The following AFG2A variants were observed in gnomAD, a reference collection of about 807,000 sequenced individuals.
AFG2A encodes the protein AAA ATPase AFG2A, also known as ATPase family gene 2 protein homolog A.
chr4:123,067,776 A>C, the AFG2A span, among the ~76,000 whole-genome samples: 1 of 152,188 alleles, frequency 6.6e-6, no homozygotes, highest in Admixed American at 6.5e-5. Flanking sequence ...AGTTTCTTAA[A>C]GATAGGGGTA....
At chr4:123,224,752 T>C in the AFG2A span, among the ~76,000 whole-genome samples, 1 of 152,152 alleles carries the variant, frequency 6.6e-6, no homozygotes, top group Admixed American at 6.5e-5. Flanking sequence ...GGTCAAATGG[T>C]ATTTCTAGTT....
At chr4:123,179,310 C>CTTAG in the AFG2A span, among the ~76,000 whole-genome samples, 1 of 116,790 alleles carries the variant, frequency 8.6e-6, no homozygotes, top group Admixed American at 7.6e-5. Context: ...ACACATACTA[C>CTTAG]TTACTTACTT....
chr4:123,149,637 T>C, the AFG2A span, among the ~76,000 whole-genome samples: 1 of 152,170 alleles, frequency 6.6e-6, no homozygotes, highest in Admixed American at 6.5e-5. Context: ...AAAAAATGCT[T>C]ACCCAATCCC....
the AFG2A span, among the ~76,000 whole-genome samples, chr4:122,925,801 G>C: frequency 6.6e-6 from 1 of 152,146 alleles, no homozygotes; most frequent in African/African-American, 2.4e-5. Context: ...ATCCTACAAG[G>C]CTATAAACTC....
chr4:123,213,274 G>C, the AFG2A span, among the ~76,000 whole-genome samples: 1 of 152,040 alleles, frequency 6.6e-6, no homozygotes, highest in Non-Finnish European at 1.5e-5. Flanking sequence ...TATATATCCT[G>C]TATAGAATAA....
the AFG2A span, among the ~76,000 whole-genome samples, chr4:123,236,891 T>C: frequency 6.6e-6 from 1 of 152,166 alleles, no homozygotes; most frequent in Non-Finnish European, 1.5e-5. Flanking sequence ...CACATTGAGG[T>C]TTGAGAAACC....
At chr4:123,045,351 C>A in the AFG2A span, among the ~76,000 whole-genome samples, 1 of 152,114 alleles carries the variant, frequency 6.6e-6, no homozygotes, top group African/African-American at 2.4e-5. Flanking sequence ...CACAGTGTAA[C>A]CATAAAATTA....
At chr4:123,294,102 G>A in the AFG2A span, among the ~76,000 whole-genome samples, 1 of 152,248 alleles carries the variant, frequency 6.6e-6, no homozygotes, top group South Asian at 2.1e-4. Flanking sequence ...AGGTCTGCAG[G>A]ATGTGCAGTG....
the AFG2A span, among the ~76,000 whole-genome samples, chr4:123,018,168 A>G: frequency 6.6e-6 from 1 of 152,208 alleles, no homozygotes; most frequent in Non-Finnish European, 1.5e-5. Context: ...TGTCAGGGAC[A>G]TGTTCCTTGG....
At chr4:123,238,151 A>T in the AFG2A span, among the ~76,000 whole-genome samples, 1 of 152,192 alleles carries the variant, frequency 6.6e-6, no homozygotes, top group African/African-American at 2.4e-5. Flanking sequence ...CTGAAGCTTA[A>T]GTAGGTAAAC....
At chr4:123,071,749 T>G in the AFG2A span, among the ~76,000 whole-genome samples, 1 of 152,224 alleles carries the variant, frequency 6.6e-6, no homozygotes, top group Non-Finnish European at 1.5e-5. Context: ...GATATCTTAT[T>G]AATCTAAAAT....
At chr4:122,967,996 CT>C in the AFG2A span, among the ~76,000 whole-genome samples, 1 of 151,824 alleles carries the variant, frequency 6.6e-6, no homozygotes, top group Non-Finnish European at 1.5e-5. Context: ...AATTAATAGA[CT>C]TTTTTTAGAG....
At chr4:123,180,970 C>G in the AFG2A span, among the ~76,000 whole-genome samples, 1 of 145,884 alleles carries the variant, frequency 6.9e-6, no homozygotes, top group East Asian at 2.0e-4. Context: ...TCTCTTCCTC[C>G]TCCCCCTCTT....
chr4:122,950,959 C>G, the AFG2A span, among the ~76,000 whole-genome samples: 3 of 152,148 alleles, frequency 2.0e-5, no homozygotes, highest in Admixed American at 6.5e-5. Context: ...TTGCTATGGC[C>G]CAAAGGGTAA....
the AFG2A span, among the ~76,000 whole-genome samples, chr4:123,145,976 A>T: frequency 1.2e-3 from 177 of 152,242 alleles, no homozygotes; most frequent in Non-Finnish European, 2.1e-3. Flanking sequence ...ACATATTTGT[A>T]CTTCTAATGC....
the AFG2A span, chr4:122,934,632 A>G: frequency 6.2e-7 from 1 of 1,613,916 alleles, no homozygotes; most frequent in Non-Finnish European, 8.5e-7. Flanking sequence ...AAGACAACCA[A>G]TTCAAAGTAA....
At chr4:122,998,968 C>T in the AFG2A span, among the ~76,000 whole-genome samples, 255 of 152,108 alleles carry the variant, frequency 1.7e-3, 1 homozygote, top group Middle Eastern at 0.014. Context: ...TCCTCTCCAG[C>T]ACCTGTTGTT....
the AFG2A span, among the ~76,000 whole-genome samples, chr4:123,183,378 T>A: frequency 6.6e-6 from 1 of 152,242 alleles, no homozygotes; most frequent in African/African-American, 2.4e-5. Flanking sequence ...TGTATTATCA[T>A]TTTCTGACAG....
At chr4:123,246,889 A>T in the AFG2A span, among the ~76,000 whole-genome samples, 1 of 152,108 alleles carries the variant, frequency 6.6e-6, no homozygotes, top group African/African-American at 2.4e-5. Context: ...CTTGTCATTT[A>T]AAGCCCGGCT....
Sources: allele counts gnomAD v4.1 joint callset (sites outside exome capture counted in the v4.1 genomes callset), GRCh38; gene constraint gnomAD v4.1.1; transcripts MANE v1.5; gene names NCBI Gene and HGNC (gene_info 2026-07-23, HGNC 2026-07-21).